Variants in MAP2K4 observed in about 807,000 individuals in gnomAD.
The protein encoded by MAP2K4 is dual specificity mitogen-activated protein kinase kinase 4.
Under a neutral mutation model 48.5 loss-of-function variants are expected in MAP2K4, and 4 were observed. That is an observed-to-expected ratio of 0.08 (90% CI 0.04 to 0.19). The LOEUF is 0.19. MAP2K4 is among the 10% of genes least tolerant of loss of function. The pLI is 1.00. For synonymous variants in MAP2K4, 166 were observed against 173.1 expected (o/e 0.96, Z 0.32); for missense variants, 258 against 493.3 (o/e 0.52, Z 4.52).
At chr17:12,118,447 G>T (rs140547248) in intron 7 of MAP2K4, among the ~76,000 whole-genome samples, 2 of 152,080 alleles carry the variant, frequency 1.3e-5, no homozygotes, top group Non-Finnish European at 2.9e-5. Flanking sequence ...AAAAGGCCTG[G>T]ATCACTCGGG....
At chr17:12,064,871 T>C (rs1012832490) in intron 2 of MAP2K4, among the ~76,000 whole-genome samples, 1 of 152,232 alleles carries the variant, frequency 6.6e-6, no homozygotes, top group African/African-American at 2.4e-5. Context: ...CAAAATACTC[T>C]TCCTCAATAA....
intron 2 of MAP2K4, among the ~76,000 whole-genome samples, chr17:12,066,530 T>C (rs35234833): frequency 0.17 from 25,350 of 151,508 alleles, 2,486 homozygotes; most frequent in South Asian, 0.3. Flanking sequence ...CCTCCTCCTC[T>C]TCTTCTTCTT....
intron 10 of MAP2K4, 85 bp downstream of exon 10, chr17:12,139,969 CTCT>C: frequency 1.2e-6 from 1 of 811,528 alleles, no homozygotes. Context: ...AGCAGTGGGC[CTCT>C]CTGTCATAAA....
chr17:12,070,327 T>G (rs1025943418), intron 2 of MAP2K4, among the ~76,000 whole-genome samples: 1 of 152,082 alleles, frequency 6.6e-6, no homozygotes, highest in Non-Finnish European at 1.5e-5. Context: ...TAGGTAGATA[T>G]GAGAGATGTC....
chr17:12,083,891 T>TCA (rs908282529), intron 3 of MAP2K4, among the ~76,000 whole-genome samples: 7 of 152,162 alleles, frequency 4.6e-5, no homozygotes, highest in Non-Finnish European at 8.8e-5. Flanking sequence ...AGACGGTGGT[T>TCA]CACACAGCTG....
Position 12,141,328 on chromosome 17 carries a change from C to A in MAP2K4, c.*68C>A. Reference sequence around the variant, plus strand: ...AGCAAGACGTAAAGAATTTTCATCCCGTATCACAGTGTTTTTATTGCTCGC... The same window carrying A: ...AGCAAGACGTAAAGAATTTTCATCCAGTATCACAGTGTTTTTATTGCTCGC... On this transcript the variant is annotated 3_prime_UTR_variant, in exon 11 of 11. Transcript: ENST00000353533. The A allele has an allele frequency of 9.2e-7, 1 of 1,092,590 alleles. No homozygotes were observed. The highest frequency in any genetic ancestry group is 1.2e-5 in the South Asian group (1 of 80,046). 67.7% of individuals were successfully genotyped at this position (1,092,590 alleles called of 1,614,324 possible). A position where few individuals can be genotyped will look rare whatever the true frequency, so the allele number is the denominator to read the frequency against.
intron 2 of MAP2K4, chr17:12,069,925 A>ATATATATATATG (rs1347077265): frequency 2.0e-5 from 2 of 98,598 alleles, no homozygotes; most frequent in African/African-American, 9.8e-5. Context: ...ATATATATAT[A>ATATATATATATG]TATATATATA....
intron 3 of MAP2K4, among the ~76,000 whole-genome samples, chr17:12,082,908 T>G (rs1242661559): frequency 1.3e-5 from 2 of 152,224 alleles, no homozygotes; most frequent in Admixed American, 1.3e-4. Context: ...GTATTCCTAT[T>G]TTGTGCCACT....
chr17:12,108,778 T>C (rs1254218262), intron 5 of MAP2K4, among the ~76,000 whole-genome samples: 2 of 152,022 alleles, frequency 1.3e-5, no homozygotes, highest in African/African-American at 4.8e-5. Context: ...CACCAAGATA[T>C]ATACTCTTTC....
chr17:12,060,787 C>T (rs908908074), intron 2 of MAP2K4, among the ~76,000 whole-genome samples: 8 of 151,640 alleles, frequency 5.3e-5, no homozygotes, highest in Middle Eastern at 6.8e-3. Flanking sequence ...GCTACTGCTG[C>T]GAATCTTTTT....
chr17:12,112,683 A>G (rs1972345799), intron 6 of MAP2K4, among the ~76,000 whole-genome samples: 1 of 152,136 alleles, frequency 6.6e-6, no homozygotes, highest in Non-Finnish European at 1.5e-5. Context: ...TGAGCTATGG[A>G]TAGAGAATTA....
chr17:12,077,394 A>G (rs1419307201), intron 2 of MAP2K4, among the ~76,000 whole-genome samples: 10 of 152,238 alleles, frequency 6.6e-5, no homozygotes, highest in Non-Finnish European at 5.9e-5. Flanking sequence ...ATTAAAATTA[A>G]GTTTGTTTGC....
chr17:12,040,435 T>C (rs1298208260), intron 1 of MAP2K4, among the ~76,000 whole-genome samples: 1 of 152,232 alleles, frequency 6.6e-6, no homozygotes, highest in Non-Finnish European at 1.5e-5. Flanking sequence ...TTTGATAGAA[T>C]AAAAACTGGA....
At chr17:12,112,457 T>C (rs1972336967) in intron 6 of MAP2K4, among the ~76,000 whole-genome samples, 1 of 132,684 alleles carries the variant, frequency 7.5e-6, no homozygotes, top group Non-Finnish European at 1.6e-5. Flanking sequence ...AGAGCGAGAC[T>C]CTTGTCTCAA....
At chr17:12,039,218 A>C (rs190779375) in intron 1 of MAP2K4, among the ~76,000 whole-genome samples, 175 of 152,338 alleles carry the variant, frequency 1.1e-3, no homozygotes, top group Non-Finnish European at 2.0e-3. Flanking sequence ...TTAGTAGGTC[A>C]GGAGACCTGT....
At chr17:12,111,194 A>G (rs1198292743) in intron 6 of MAP2K4, among the ~76,000 whole-genome samples, 1 of 152,202 alleles carries the variant, frequency 6.6e-6, no homozygotes, top group African/African-American at 2.4e-5. Context: ...GAAGGAAAGT[A>G]AAGGGTCAAA....
chr17:12,086,765 T>C (rs550903091), intron 3 of MAP2K4, among the ~76,000 whole-genome samples: 13 of 152,344 alleles, frequency 8.5e-5, no homozygotes, highest in African/African-American at 3.1e-4. Context: ...TTGGTTAAAC[T>C]GAATGAATTT....
intron 4 of MAP2K4, among the ~76,000 whole-genome samples, chr17:12,099,752 A>G (rs1478307179): frequency 6.6e-6 from 1 of 152,220 alleles, no homozygotes; most frequent in Non-Finnish European, 1.5e-5. Context: ...CTTTTAGCCT[A>G]TATTTTACAA....
chr17:12,109,391 C>G (rs1448010362), intron 5 of MAP2K4, among the ~76,000 whole-genome samples: 1 of 152,188 alleles, frequency 6.6e-6, no homozygotes, highest in East Asian at 1.9e-4. Context: ...TTAGTCTCTT[C>G]TTGCTAATTA....
Sources: allele counts gnomAD v4.1 joint callset (sites outside exome capture counted in the v4.1 genomes callset), GRCh38; gene constraint gnomAD v4.1.1; transcripts MANE v1.5; gene names NCBI Gene and HGNC (gene_info 2026-07-23, HGNC 2026-07-21).